The following ATXN7 variants were observed in gnomAD, a reference collection of about 807,000 sequenced individuals.
The protein encoded by ATXN7 is ataxin 7, also known as ataxin-7.
ATXN7 carries 12 observed loss-of-function variants against 70.5 expected under a neutral mutation model. That is an observed-to-expected ratio of 0.17 (90% CI 0.11 to 0.28). The LOEUF (loss-of-function observed/expected upper bound fraction) is 0.28. Among genes scored for constraint, ATXN7 ranks in the 10% least tolerant of loss-of-function variants. The pLI is 1.00. For missense variants in ATXN7, 1,256 were observed against 1,131.7 expected (o/e 1.11, Z -1.58); for synonymous variants, 498 against 448.7 (o/e 1.11, Z -1.39).
At chr3:63,885,918 G>A (rs1703072342) in intron 1 of ATXN7, among the ~76,000 whole-genome samples, 1 of 152,168 alleles carries the variant, frequency 6.6e-6, no homozygotes. Flanking sequence ...TTGAGAGGCT[G>A]AGCCAGGAGA....
intron 1 of ATXN7, among the ~76,000 whole-genome samples, chr3:63,891,322 C>CT (rs879316742): frequency 2.1e-3 from 292 of 140,794 alleles, no homozygotes; most frequent in African/African-American, 6.0e-3. Context: ...GGCCCCAGCA[C>CT]TTTTTTTTTT....
chr3:63,979,628 A>G (rs2241822), intron 5 of ATXN7, among the ~76,000 whole-genome samples: 15,851 of 152,162 alleles, frequency 0.1, 1,032 homozygotes, highest in Admixed American at 0.16. Flanking sequence ...GCAAAACCCA[A>G]AAGGCAATAT....
At position 63,990,187 on chromosome 3, in the gene ATXN7, G is replaced by A. The variant is rs542036429; in HGVS notation, c.1373G>A (p.Cys458Tyr). The A allele has an allele frequency of 1.5e-5, 25 of 1,613,110 alleles. No homozygotes were observed. The African/African-American group carries it at 3.1e-4, about 20-fold the overall frequency. The change falls in exon 10 of 13, where the codon TGC becomes TAC. Residue 458 changes from cysteine to tyrosine, a missense_variant. Cys to Tyr is a radical substitution (Grantham distance 194). Transcript: ENST00000674280. ...TTCTACTCACCAAGGCCTCCAGGCT[G>A]CCCTGCTCAGCAAGGTGGGAGTGCC... is the stretch of plus-strand genomic sequence containing the variant. ...HTPSLPRPPG[C>Y]PAQQGGSAPI...
intron 5 of ATXN7, among the ~76,000 whole-genome samples, chr3:63,976,260 A>C (rs2075386138): frequency 6.6e-6 from 1 of 152,236 alleles, no homozygotes; most frequent in Non-Finnish European, 1.5e-5. Context: ...CAACTCAACT[A>C]CAATAAATTT....
chr3:63,918,217 G>A (rs776809906), intron 4 of ATXN7, among the ~76,000 whole-genome samples: 3 of 152,164 alleles, frequency 2.0e-5, no homozygotes, highest in Non-Finnish European at 4.4e-5. Context: ...GGCTTGCTAG[G>A]AGTTGGATAG....
In ATXN7 at chr3:63,990,313, A is replaced by G; in HGVS notation, c.1499A>G (p.Lys500Arg). The change falls in exon 10 of 13, where the codon AAA becomes AGA. Residue 500 changes from lysine to arginine, a missense_variant. Transcript: ENST00000674280. ...LSSEEGEGDD[K>R]EESVEKLDCH... ...AGTGAGGAGGGCGAAGGCGATGACAAAGAAGAGTCTGTTGAAAAACTGGAC... is the reference window on the plus strand; with the variant it reads ...AGTGAGGAGGGCGAAGGCGATGACAGAGAAGAGTCTGTTGAAAAACTGGAC... 6.2e-7 allele frequency: 1 copy of G among 1,614,082 alleles called. No individual in the cohort carries two copies. Among genetic ancestry groups the G allele is most frequent in the Non-Finnish European group, 8.5e-7 (1 of 1,180,026 alleles).
chr3:63,935,755 C>T (rs942686994), intron 4 of ATXN7, among the ~76,000 whole-genome samples: 3 of 151,732 alleles, frequency 2.0e-5, no homozygotes, highest in Non-Finnish European at 2.9e-5. Flanking sequence ...TTAGTACCAA[C>T]GTTTTTTTTT....
At chr3:63,925,208 TAAGAGG>T (rs987133720) in intron 4 of ATXN7, among the ~76,000 whole-genome samples, 7 of 152,202 alleles carry the variant, frequency 4.6e-5, no homozygotes, top group African/African-American at 1.7e-4. Context: ...CTGTTCACAG[TAAGAGG>T]AAGAGTTTTG....
At chr3:63,880,461 C>A (rs1428390761) in intron 1 of ATXN7, among the ~76,000 whole-genome samples, 4 of 152,164 alleles carry the variant, frequency 2.6e-5, no homozygotes, top group Admixed American at 2.6e-4. Flanking sequence ...GGCAGCCAGT[C>A]TTTTGGTGCC....
intron 2 of ATXN7, chr3:63,901,563 T>C (rs550414575): frequency 6.6e-6 from 1 of 152,298 alleles, no homozygotes; most frequent in Admixed American, 6.5e-5. Context: ...GGTTCATCTA[T>C]GTTGCTGCAA....
intron 2 of ATXN7, among the ~76,000 whole-genome samples, chr3:63,911,325 A>G (rs1182304566): frequency 6.6e-6 from 1 of 152,180 alleles, no homozygotes; most frequent in Non-Finnish European, 1.5e-5. Context: ...CCTATCGCTA[A>G]GCAAATGTTG....
chr3:63,966,359 C>T (rs966181265), intron 5 of ATXN7, among the ~76,000 whole-genome samples: 2 of 152,142 alleles, frequency 1.3e-5, no homozygotes, highest in African/African-American at 2.4e-5. Context: ...TCAGGTTTTA[C>T]AGCCATGGAA....
At position 63,999,769 on chromosome 3, in the gene ATXN7, T is replaced by A. The variant is rs537003212; in HGVS notation, c.*302T>A. The A allele has an allele frequency of 1.8e-6, 1 of 560,814 alleles. No homozygotes were observed. 34.7% of individuals were successfully genotyped at this position (560,814 alleles called of 1,614,324 possible). On this transcript the variant is annotated 3_prime_UTR_variant, in exon 13 of 13. Coordinates refer to ENST00000674280, the MANE Select transcript of ATXN7 (RefSeq NM_001377405.1). ...GAGAAGTTTTTGTTTTTGTTTTGTT[T>A]TTTAACTTGCAGTATATCACAGAGC...
chr3:63,965,858 T>A (rs1221244483), intron 5 of ATXN7, among the ~76,000 whole-genome samples: 1 of 152,242 alleles, frequency 6.6e-6, no homozygotes, highest in Non-Finnish European at 1.5e-5. Flanking sequence ...TCAATTTCTG[T>A]GTATGTGTAC....
chr3:63,867,384 T>G (rs1347867778), intron 1 of ATXN7, among the ~76,000 whole-genome samples: 1 of 152,146 alleles, frequency 6.6e-6, no homozygotes, highest in African/African-American at 2.4e-5. Context: ...TGTTGCCCAG[T>G]CTGGAATGCA....
chr3:63,932,933 T>C (rs1418365517), intron 4 of ATXN7, among the ~76,000 whole-genome samples: 3 of 152,192 alleles, frequency 2.0e-5, no homozygotes. Context: ...GTATTATGGG[T>C]GTGCTATTCT....
chr3:63,919,375 T>G (rs1292423365), intron 4 of ATXN7, among the ~76,000 whole-genome samples: 2 of 152,168 alleles, frequency 1.3e-5, no homozygotes, highest in Non-Finnish European at 2.9e-5. Flanking sequence ...ATTCCTTGGT[T>G]GATAAAAGGA....
Position 63,980,245 on chromosome 3 carries a change from C to A in ATXN7, c.752+78C>A. 6.5e-7 allele frequency: 1 copy of A among 1,542,556 alleles called. No individual in the cohort carries two copies. The highest frequency in any genetic ancestry group is 1.8e-5 in the Admixed American group (1 of 56,652). The stretch of plus-strand genomic sequence containing the variant: ...GTACACTAGTGGCATGTGAGAGTGC[C>A]TGTGAGTAATATAAAAGAGAGTCTA... On this transcript the variant is annotated intron_variant, in intron 6 of 12. Coordinates refer to ENST00000674280, the MANE Select transcript of ATXN7 (RefSeq NM_001377405.1).
intron 5 of ATXN7, among the ~76,000 whole-genome samples, chr3:63,969,229 G>A (rs1359755841): frequency 6.6e-6 from 1 of 152,172 alleles, no homozygotes; most frequent in Non-Finnish European, 1.5e-5. Flanking sequence ...TGTTCAAAAT[G>A]TGAGGTTTTT....
Sources: allele counts gnomAD v4.1 joint callset (sites outside exome capture counted in the v4.1 genomes callset), GRCh38; gene constraint gnomAD v4.1.1; transcripts MANE v1.5; gene names NCBI Gene and HGNC (gene_info 2026-07-23, HGNC 2026-07-21).